The following COL21A1 variants were observed in gnomAD, a reference collection of about 807,000 sequenced individuals.
The protein encoded by COL21A1 is collagen type XXI alpha 1 chain.
Under a neutral mutation model 137.9 loss-of-function variants are expected in COL21A1, and 149 were observed. The ratio of observed to expected loss-of-function variants is 1.08; its 90% confidence interval spans 0.95 to 1.24. The LOEUF (loss-of-function observed/expected upper bound fraction) is 1.24, where lower values mean the gene tolerates loss of function less well. Among genes scored for constraint, COL21A1 ranks in the 50% most tolerant of loss-of-function variants. COL21A1 has a pLI of 0.00. For synonymous variants in COL21A1, 456 were observed against 391.5 expected (o/e 1.16, Z -1.95); for missense variants, 1,167 against 1,158.4 (o/e 1.01, Z -0.11).
chr6:56,307,429 C>A (rs1388324063), intron 1 of COL21A1, among the ~76,000 whole-genome samples: 2 of 152,206 alleles, frequency 1.3e-5, no homozygotes, highest in African/African-American at 4.8e-5. Flanking sequence ...ATGGTGGGCA[C>A]CCCTCCCCCA....
At chr6:56,199,064 A>G (rs1779211030) in intron 1 of COL21A1, among the ~76,000 whole-genome samples, 1 of 152,048 alleles carries the variant, frequency 6.6e-6, no homozygotes, top group Non-Finnish European at 1.5e-5. Context: ...AAATGCTACC[A>G]CAGAGACAGA....
intron 1 of COL21A1, among the ~76,000 whole-genome samples, chr6:56,342,287 AC>A (rs1765488305): frequency 6.6e-6 from 1 of 152,198 alleles, no homozygotes; most frequent in Non-Finnish European, 1.5e-5. Flanking sequence ...GGTTTCTATT[AC>A]AAAAACTCCT....
intron 1 of COL21A1, among the ~76,000 whole-genome samples, chr6:56,308,460 G>A (rs1278221539): frequency 6.6e-6 from 1 of 152,160 alleles, no homozygotes; most frequent in Admixed American, 6.6e-5. Flanking sequence ...ATTATACTAG[G>A]TGACGTAAGC....
intron 1 of COL21A1, among the ~76,000 whole-genome samples, chr6:56,358,395 C>T (rs191622063): frequency 9.2e-5 from 14 of 151,978 alleles, no homozygotes; most frequent in Admixed American, 9.2e-4. Flanking sequence ...ACAATTTGAA[C>T]ATAAATGTCC....
chr6:56,303,901 G>C (rs891524837), intron 1 of COL21A1, among the ~76,000 whole-genome samples: 19 of 152,082 alleles, frequency 1.2e-4, no homozygotes, highest in African/African-American at 4.1e-4. Flanking sequence ...TTTGAGATAT[G>C]TCCCATCAAT....
intron 1 of COL21A1, among the ~76,000 whole-genome samples, chr6:56,328,630 T>A (rs781418594): frequency 1.6e-4 from 25 of 152,026 alleles, no homozygotes; most frequent in Non-Finnish European, 3.4e-4. Context: ...TTAATATGAG[T>A]CACAGAAACA....
At chr6:56,136,062 G>T (rs574191830) in intron 12 of COL21A1, among the ~76,000 whole-genome samples, 3 of 152,084 alleles carry the variant, frequency 2.0e-5, no homozygotes, top group Middle Eastern at 6.8e-3. Context: ...AATACATGTG[G>T]TTTGCACAAT....
intron 10 of COL21A1, among the ~76,000 whole-genome samples, chr6:56,148,205 G>A (rs1185761793): frequency 6.6e-6 from 1 of 151,990 alleles, no homozygotes; most frequent in East Asian, 1.9e-4. Context: ...TTTCACCAAG[G>A]TTAAAGCTTT....
At chr6:56,101,027 T>C (rs1233539804) in intron 17 of COL21A1, among the ~76,000 whole-genome samples, 2 of 152,152 alleles carry the variant, frequency 1.3e-5, no homozygotes, top group Non-Finnish European at 2.9e-5. Flanking sequence ...TCACCTGAAG[T>C]TCAGAATCAC....
chr6:56,162,464 G>A (rs1357109960), intron 9 of COL21A1, among the ~76,000 whole-genome samples: 1 of 152,094 alleles, frequency 6.6e-6, no homozygotes, highest in Admixed American at 6.6e-5. Context: ...TAAGACAATG[G>A]GTGTGCTAAA....
intron 22 of COL21A1, among the ~76,000 whole-genome samples, chr6:56,067,650 T>C (rs1031874306): frequency 7.9e-5 from 12 of 151,770 alleles, no homozygotes; most frequent in African/African-American, 2.7e-4. Context: ...AGAGGACTTA[T>C]TTTGACAAAT....
intron 1 of COL21A1, among the ~76,000 whole-genome samples, chr6:56,373,436 T>A (rs1248399870): frequency 6.6e-6 from 1 of 152,164 alleles, no homozygotes; most frequent in Non-Finnish European, 1.5e-5. Flanking sequence ...ACCCCGCCTC[T>A]ACTAAAAATA....
intron 1 of COL21A1, among the ~76,000 whole-genome samples, chr6:56,334,721 TA>T (rs1765300243): frequency 6.6e-6 from 1 of 152,144 alleles, no homozygotes; most frequent in African/African-American, 2.4e-5. Context: ...ATTGCCAGTA[TA>T]ACACTATTGG....
chr6:56,063,870 G>A lies in COL21A1; in HGVS notation c.2172+708C>T, dbSNP rs367602313. ...ATGGGAGGACTCACATATCCAGCTT[G>A]CCCTTTCAGACATGATCAAGTTGGA... is the stretch of plus-strand genomic sequence containing the variant. On this transcript the variant is annotated intron_variant, in intron 24 of 29. Transcript: ENST00000244728. Among the ~76,000 whole-genome samples the A allele has an allele frequency of 9.6e-4, 146 of 152,174 alleles. 1 individual carries two copies. Among genetic ancestry groups the A allele is most frequent in the Admixed American group, 1.7e-3 (26 of 15,260 alleles).
Position 56,179,666 on chromosome 6 carries a change from G to A in COL21A1, c.552C>T (p.Asn184=), listed in dbSNP as rs768818209. Residue 184 remains asparagine (N), a synonymous_variant, in exon 3 of 30, where the codon AAC becomes AAT. Coordinates refer to ENST00000244728, the MANE Select transcript of COL21A1 (RefSeq NM_030820.4). The part of the protein sequence containing the change: ...TEDAELRAIA[N]KPSSTYVFYV... ...AAAACACATAAGTAGACGAAGGCTT[G>A]TTGGCAATAGCTCTAAGTTCGGCAT... 4.2e-5 allele frequency: 68 copies of A among 1,613,868 alleles called. No homozygotes were observed. The highest frequency in any genetic ancestry group is 5.8e-5 in the Non-Finnish European group (68 of 1,179,820).
At chr6:56,079,406 C>A (rs1214959358) in intron 17 of COL21A1, among the ~76,000 whole-genome samples, 1 of 151,694 alleles carries the variant, frequency 6.6e-6, no homozygotes, top group East Asian at 1.9e-4. Flanking sequence ...TGTGCCCTTA[C>A]ACAGTCTGTG....
chr6:56,340,854 T>G (rs971922084), intron 1 of COL21A1, among the ~76,000 whole-genome samples: 4 of 152,200 alleles, frequency 2.6e-5, no homozygotes, highest in African/African-American at 9.6e-5. Flanking sequence ...TGTTAGCTCA[T>G]GGAGCAAGTA....
At chr6:56,102,898 A>G (rs114815560) in intron 16 of COL21A1, among the ~76,000 whole-genome samples, 1 of 31,576 alleles carries the variant, frequency 3.2e-5, no homozygotes, top group Non-Finnish European at 7.1e-5. Flanking sequence ...AGAGGGAGAG[A>G]AGTTACTGCT....
intron 1 of COL21A1, among the ~76,000 whole-genome samples, chr6:56,190,731 C>A (rs915041819): frequency 1.3e-5 from 2 of 152,126 alleles, no homozygotes; most frequent in Non-Finnish European, 2.9e-5. Flanking sequence ...ACATCAAAAA[C>A]TTATCCACAA....
Sources: gnomAD v4.1 joint callset for allele counts (sites outside exome capture counted in the v4.1 genomes callset) on GRCh38, gnomAD v4.1.1 for gene constraint, MANE v1.5 for transcripts, NCBI Gene and HGNC (gene_info 2026-07-23, HGNC 2026-07-21) for gene names.